ATCAY: variants seen among roughly 807,000 people sequenced by gnomAD.
The protein encoded by ATCAY is ATCAY kinesin light chain interacting caytaxin, also known as caytaxin.
A neutral mutation model predicts 47.7 loss-of-function variants in ATCAY; 22 were observed. That is an observed-to-expected ratio of 0.46 (90% CI 0.33 to 0.66). The LOEUF (loss-of-function observed/expected upper bound fraction) is 0.66. ATCAY is among the 30% of genes least tolerant of loss of function. The pLI is 0.02. For missense variants in ATCAY, 452 were observed against 515.0 expected (o/e 0.88, Z 1.18); for synonymous variants, 216 against 207.6 (o/e 1.04, Z -0.35).
intron 2 of ATCAY, among the ~76,000 whole-genome samples, chr19:3,894,377 G>A (rs904041082): frequency 1.3e-5 from 2 of 151,250 alleles, no homozygotes; most frequent in African/African-American, 2.4e-5. Context: ...CCAGCTACTC[G>A]GGAGGCTGAG....
chr19:3,922,740 T>G (rs914689365), intron 12 of ATCAY, among the ~76,000 whole-genome samples: 1 of 151,952 alleles, frequency 6.6e-6, no homozygotes, highest in African/African-American at 2.4e-5. Context: ...TTTTGTTTTG[T>G]TTTTGTTGTT....
intron 2 of ATCAY, among the ~76,000 whole-genome samples, chr19:3,900,841 T>C (rs955586847): frequency 1.3e-5 from 2 of 151,088 alleles, no homozygotes; most frequent in Admixed American, 6.6e-5. Flanking sequence ...TGGCCCATCC[T>C]GTATTTTTTG....
At chr19:3,914,044 G>T (rs1382076040) in intron 9 of ATCAY, among the ~76,000 whole-genome samples, 188 bp downstream of exon 9, 4 of 151,756 alleles carry the variant, frequency 2.6e-5, no homozygotes, top group Non-Finnish European at 5.9e-5. Flanking sequence ...AGACCATCCT[G>T]GCTAACATGG....
chr19:3,892,326 CT>C (rs1376693363), intron 2 of ATCAY, among the ~76,000 whole-genome samples: 1 of 152,126 alleles, frequency 6.6e-6, no homozygotes, highest in Non-Finnish European at 1.5e-5. Context: ...CTGCAGCCCC[CT>C]GAATACCTGG....
At chr19:3,897,744 C>T (rs2038782056) in intron 2 of ATCAY, among the ~76,000 whole-genome samples, 1 of 151,946 alleles carries the variant, frequency 6.6e-6, no homozygotes, top group African/African-American at 2.4e-5. Flanking sequence ...CCCATCTCTA[C>T]TAAAAACACA....
chr19:3,888,220 A>G (rs1203357757), intron 2 of ATCAY, among the ~76,000 whole-genome samples: 1 of 152,134 alleles, frequency 6.6e-6, no homozygotes, highest in Non-Finnish European at 1.5e-5. Flanking sequence ...CTTCCCTTTC[A>G]GAACCAGGAA....
chr19:3,912,736 A>T (rs2038934270), intron 8 of ATCAY, among the ~76,000 whole-genome samples: 1 of 151,850 alleles, frequency 6.6e-6, no homozygotes. Context: ...ATTTTTTTTA[A>T]TTAGCCAGGC....
intron 12 of ATCAY, 160 bp downstream of exon 12, chr19:3,920,958 C>G: frequency 2.4e-6 from 2 of 838,074 alleles, no homozygotes; most frequent in Non-Finnish European, 3.9e-6. Flanking sequence ...CATGACTTAT[C>G]GGGAGTGGGG....
chr19:3,915,716 A>AT (rs1462582525), intron 9 of ATCAY, among the ~76,000 whole-genome samples: 5 of 94,510 alleles, frequency 5.3e-5, no homozygotes, highest in African/African-American at 1.8e-4. Flanking sequence ...ATGCCCAGCT[A>AT]ATTTTTTTTT....
At position 3,907,789 on chromosome 19, in the gene ATCAY, T is replaced by C. The variant is rs2038876681; in HGVS notation, c.414T>C (p.Phe138=). The change falls in exon 5 of 13, where the codon TTT becomes TTC. Residue 138 remains phenylalanine (F), a synonymous_variant. Transcript: ENST00000450849. This position sits in a 1 kb window ranked among gnomAD's most constrained non-coding sequence, Gnocchi z 5.1. ...TGCCCGGGGACAGCGCGGATCTATT[T>C]GGGGACGGCACGACGGAGGACGGCA... ...KNMPGDSADL[F]GDGTTEDGSA... 1 of 1,614,002 alleles carries C rather than the reference T, an allele frequency of 6.2e-7. No individual in the cohort carries two copies. The highest frequency in any genetic ancestry group is 8.5e-7 in the Non-Finnish European group (1 of 1,179,886).
chr19:3,924,577 C>A lies in ATCAY; in HGVS notation c.1107-6C>A. On this transcript the variant is annotated splice_region_variant and splice_polypyrimidine_tract_variant and intron_variant, in intron 12 of 12. Coordinates refer to ENST00000450849, the MANE Select transcript of ATCAY (RefSeq NM_033064.5). ...AATAACTTGGCCTGTGTCTTTCCCTCCCTAGCATGTCCTGAGGCGACGTGA... is the reference window on the plus strand; with the variant it reads ...AATAACTTGGCCTGTGTCTTTCCCTACCTAGCATGTCCTGAGGCGACGTGA... The A allele has an allele frequency of 1.2e-6, 2 of 1,613,796 alleles. No homozygotes were observed. Among genetic ancestry groups the A allele is most frequent in the Non-Finnish European group, 1.7e-6 (2 of 1,179,814 alleles).
chr19:3,916,330 T>C (rs891469454), intron 9 of ATCAY, among the ~76,000 whole-genome samples: 4 of 152,202 alleles, frequency 2.6e-5, no homozygotes, highest in African/African-American at 4.8e-5. Context: ...ACCTTTTGGC[T>C]CTTGTGAATA....
chr19:3,902,097 G>C (rs141019874), intron 2 of ATCAY, among the ~76,000 whole-genome samples: 1 of 152,146 alleles, frequency 6.6e-6, no homozygotes, highest in Non-Finnish European at 1.5e-5. Context: ...AAGATGGCTT[G>C]AGCCCAGGAG....
rs1385634290 is a variant in ATCAY, at chr19:3,910,834, G to A, written c.811G>A (p.Val271Ile). Residue 271 changes from valine to isoleucine, a missense_variant, in exon 8 of 13, where the codon GTC becomes ATC. By Grantham distance (29) the Val-to-Ile change is conservative. Transcript: ENST00000450849. ...LRKNLKSLII[V>I]HPSWFIRTVL... ...GAAAAACCTGAAGTCCTTGATCATCGTCCACCCCTCGTGGTTCATTCGGAC... is the reference window on the plus strand; with the variant it reads ...GAAAAACCTGAAGTCCTTGATCATCATCCACCCCTCGTGGTTCATTCGGAC... 5 of 1,613,948 alleles carry A rather than the reference G, an allele frequency of 3.1e-6. No individual in the cohort carries two copies. The highest frequency in any genetic ancestry group is 3.4e-6 in the Non-Finnish European group (4 of 1,179,880).
At position 3,884,201 on chromosome 19, in the gene ATCAY, C is replaced by T. The variant is rs184515556; in HGVS notation, c.-41-1526C>T. On this transcript the variant is annotated intron_variant, in intron 1 of 12. Transcript: ENST00000450849. Reference sequence around the variant, plus strand: ...ACTTGGGAGGCTGAGGCAGGAGGATCGCTTGAGCCCAGGAGTTGGAGGCTG... The same window carrying T: ...ACTTGGGAGGCTGAGGCAGGAGGATTGCTTGAGCCCAGGAGTTGGAGGCTG... Among the ~76,000 whole-genome samples, 508 of 152,096 alleles carry T rather than the reference C, an allele frequency of 3.3e-3. 3 individuals are homozygous for T. Among genetic ancestry groups the T allele is most frequent in the African/African-American group, 0.012 (497 of 41,488 alleles).
chr19:3,913,005 G>C (rs1336970952), intron 8 of ATCAY, among the ~76,000 whole-genome samples: 2 of 151,624 alleles, frequency 1.3e-5, no homozygotes, highest in East Asian at 3.9e-4. Context: ...ACAGAGAATT[G>C]GGCCAGGCAG....
chr19:3,900,438 T>C (rs1197961203), intron 2 of ATCAY, among the ~76,000 whole-genome samples: 1 of 152,068 alleles, frequency 6.6e-6, no homozygotes, highest in Non-Finnish European at 1.5e-5. Flanking sequence ...CACAACCCCA[T>C]CCAGGATCCC....
At position 3,885,631 on chromosome 19, in the gene ATCAY, G is replaced by C. The variant is rs878925764; in HGVS notation, c.-41-96G>C. Reference sequence around the variant, plus strand: ...GGGAGGGGAAGGGGGAGGGGGAGACGGAGGGGGAGTGGGAGGGGGAAGAGC... The same window carrying C: ...GGGAGGGGAAGGGGGAGGGGGAGACCGAGGGGGAGTGGGAGGGGGAAGAGC... On this transcript the variant is annotated intron_variant, in intron 1 of 12. Coordinates refer to ENST00000450849, the MANE Select transcript of ATCAY (RefSeq NM_033064.5). 7.9e-6 allele frequency: 5 copies of C among 630,422 alleles called. No homozygotes were observed. The African/African-American group carries it at 9.3e-5, about 12-fold the overall frequency. The allele number at this position is 630,422 out of a possible 1,614,324, so 39.1% of individuals were successfully genotyped here. A position where few individuals can be genotyped will look rare whatever the true frequency, so the allele number is the denominator to read the frequency against.
chr19:3,910,128 G>A (rs768021798), intron 7 of ATCAY, among the ~76,000 whole-genome samples: 7 of 151,940 alleles, frequency 4.6e-5, no homozygotes, highest in Admixed American at 1.3e-4. Context: ...CCCAGGCTCC[G>A]GCACCCCCCA....
Sources: allele counts gnomAD v4.1 joint callset (sites outside exome capture counted in the v4.1 genomes callset), GRCh38; gene constraint gnomAD v4.1.1; non-coding constraint Gnocchi (gnomAD v3.1); transcripts MANE v1.5; gene names NCBI Gene and HGNC (gene_info 2026-07-23, HGNC 2026-07-21).